Variants in SYCP1 observed in about 807,000 individuals in gnomAD.
SYCP1 encodes synaptonemal complex protein 1.
SYCP1 carries 64 observed loss-of-function variants against 153.1 expected under a neutral mutation model. The observed-to-expected ratio is 0.42, with a 90% CI of 0.34 to 0.51. The LOEUF is 0.51. Ranked by LOEUF, SYCP1 falls within the 20% of genes least tolerant of loss-of-function variation. The probability of loss-of-function intolerance (pLI) is 0.06; values close to 1 mark genes in which losing one functional copy is unlikely to be tolerated. For missense variants in SYCP1, 997 were observed against 1,049.0 expected (o/e 0.95, Z 0.68); for synonymous variants, 384 against 341.8 (o/e 1.12, Z -1.36).
At chr1:114,954,933 G>A (rs182817212) in intron 27 of SYCP1, among the ~76,000 whole-genome samples, 2 of 152,280 alleles carry the variant, frequency 1.3e-5, no homozygotes, top group East Asian at 3.9e-4. Context: ...CCAGTACCAT[G>A]TGGTAGACTG....
intron 15 of SYCP1, among the ~76,000 whole-genome samples, chr1:114,889,568 A>G (rs543971636): frequency 6.6e-6 from 1 of 152,078 alleles, no homozygotes; most frequent in African/African-American, 2.4e-5. Flanking sequence ...TTTCTTGTAA[A>G]CTTGTTTAAG....
intron 27 of SYCP1, among the ~76,000 whole-genome samples, chr1:114,974,152 G>A (rs1258694066): frequency 6.6e-6 from 1 of 151,478 alleles, no homozygotes; most frequent in Non-Finnish European, 1.5e-5. Context: ...TTGACTAATA[G>A]GCTAGTTTTC....
intron 6 of SYCP1, among the ~76,000 whole-genome samples, chr1:114,859,449 A>G (rs1213536678): frequency 1.3e-5 from 2 of 152,248 alleles, no homozygotes; most frequent in Admixed American, 6.5e-5. Context: ...GTGACATTGT[A>G]TTAGGACAAA....
chr1:114,946,406 A>G, intron 26 of SYCP1, 25 bp downstream of exon 26: 2 of 1,455,378 alleles, frequency 1.4e-6, no homozygotes, highest in South Asian at 2.5e-5. Flanking sequence ...AAATTGCAGT[A>G]ACGGCCAGTT....
chr1:114,952,897 T>G (rs552556597), intron 27 of SYCP1, among the ~76,000 whole-genome samples: 1 of 152,316 alleles, frequency 6.6e-6, no homozygotes, highest in Non-Finnish European at 1.5e-5. Flanking sequence ...ACAGAATACT[T>G]GAGACTGGGT....
At chr1:114,858,753 T>A in intron 6 of SYCP1, 42 bp downstream of exon 6, 1 of 1,492,498 alleles carries the variant, frequency 6.7e-7, no homozygotes, top group South Asian at 1.2e-5. Context: ...ATAGTAAATC[T>A]AATCATAATA....
At chr1:114,903,433 G>T (rs1198535427) in intron 16 of SYCP1, among the ~76,000 whole-genome samples, 1 of 152,122 alleles carries the variant, frequency 6.6e-6, no homozygotes, top group African/African-American at 2.4e-5. Context: ...AAGAAGTAAG[G>T]ATTGAACTGA....
intron 23 of SYCP1, among the ~76,000 whole-genome samples, chr1:114,929,596 A>G (rs1038781380): frequency 6.6e-6 from 1 of 152,086 alleles, no homozygotes; most frequent in Non-Finnish European, 1.5e-5. Flanking sequence ...CAAATATAAG[A>G]CAAGTAGTAT....
At chr1:114,882,967 T>G (rs962184103) in intron 12 of SYCP1, among the ~76,000 whole-genome samples, 3 of 152,216 alleles carry the variant, frequency 2.0e-5, no homozygotes, top group Non-Finnish European at 4.4e-5. Context: ...ATCTTTGGGT[T>G]TTCATATATC....
chr1:114,894,624 G>C (rs1666935605), intron 15 of SYCP1, among the ~76,000 whole-genome samples: 1 of 152,060 alleles, frequency 6.6e-6, no homozygotes, highest in Non-Finnish European at 1.5e-5. Flanking sequence ...TGTCAGCAAA[G>C]AAAACAAGAA....
chr1:114,873,535 C>T (rs572244885), intron 8 of SYCP1, among the ~76,000 whole-genome samples: 4 of 152,130 alleles, frequency 2.6e-5, no homozygotes, highest in African/African-American at 9.7e-5. Context: ...ATTTCCCTTC[C>T]CCCAGGTTAG....
intron 27 of SYCP1, among the ~76,000 whole-genome samples, chr1:114,955,136 G>A (rs1671355402): frequency 6.6e-6 from 1 of 152,116 alleles, no homozygotes; most frequent in African/African-American, 2.4e-5. Flanking sequence ...TTTATCAGAT[G>A]CTTTTTCTGC....
chr1:114,913,552 G>A (rs1668321472), intron 19 of SYCP1, among the ~76,000 whole-genome samples: 1 of 152,024 alleles, frequency 6.6e-6, no homozygotes, highest in Non-Finnish European at 1.5e-5. Context: ...TGTCATATAT[G>A]TTGTTAGTGG....
In SYCP1 at chr1:114,883,310, T is replaced by C. The variant is rs532223145; in HGVS notation, c.911-2225T>C. On this transcript the variant is annotated intron_variant, in intron 12 of 31. Transcript: ENST00000369522. Reference sequence around the variant, plus strand: ...ATCTTCCTTTAGTTTACAAAGTATGTGATAATACTTATTTTTAAATTTCAT... The same window carrying C: ...ATCTTCCTTTAGTTTACAAAGTATGCGATAATACTTATTTTTAAATTTCAT... Among the ~76,000 whole-genome samples, 8 of 152,338 alleles carry C rather than the reference T, an allele frequency of 5.3e-5. 1 individual carries two copies. In the East Asian group the frequency reaches 1.5e-3, roughly 29 times the overall value.
intron 27 of SYCP1, among the ~76,000 whole-genome samples, chr1:114,958,929 C>G (rs74326239): frequency 1.9e-5 from 2 of 107,418 alleles, no homozygotes; most frequent in African/African-American, 8.0e-5. Flanking sequence ...GACTCCGTCT[C>G]AAAAAAAAAA....
Position 114,876,743 on chromosome 1 carries a change from A to G in SYCP1, c.734A>G (p.Glu245Gly), listed in dbSNP as rs1486039046. 37 of 1,361,064 alleles carry G rather than the reference A, an allele frequency of 2.7e-5. No homozygotes were observed. The highest frequency in any genetic ancestry group is 3.6e-5 in the Non-Finnish European group (37 of 1,039,080). 84.3% of individuals were successfully genotyped at this position (1,361,064 alleles called of 1,614,324 possible). A position where few individuals can be genotyped will look rare whatever the true frequency, so the allele number is the denominator to read the frequency against. ...SRLEMHFKLK[E>G]DYEKIQHLEQ... ...ATTTGTTTTATTTTTAAAGTAAAGG[A>G]AGATTATGAAAAAATCCAACACCTT... is the stretch of plus-strand genomic sequence containing the variant. Residue 245 changes from glutamate to glycine, a missense_variant, in exon 11 of 32, where the codon GAA becomes GGA. By Grantham distance (98) the Glu-to-Gly change is moderately conservative. Coordinates refer to ENST00000369522, the MANE Select transcript of SYCP1 (RefSeq NM_003176.4).
chr1:114,968,221 G>T (rs1672262133), intron 27 of SYCP1, among the ~76,000 whole-genome samples: 1 of 152,136 alleles, frequency 6.6e-6, no homozygotes. Flanking sequence ...TTGAATGTTG[G>T]CCTGTCTTGC....
intron 27 of SYCP1, among the ~76,000 whole-genome samples, chr1:114,973,425 G>C (rs1672615339): frequency 6.6e-6 from 1 of 151,826 alleles, no homozygotes; most frequent in Admixed American, 6.6e-5. Flanking sequence ...CTTTTTCCTG[G>C]ATTGCCTATT....
intron 30 of SYCP1, among the ~76,000 whole-genome samples, chr1:114,986,177 A>C (rs1429556524): frequency 6.6e-6 from 1 of 151,972 alleles, no homozygotes; most frequent in Non-Finnish European, 1.5e-5. Flanking sequence ...TGTTCTTTCC[A>C]GTTTACAGAT....
Sources: gnomAD v4.1 joint callset for allele counts (sites outside exome capture counted in the v4.1 genomes callset) on GRCh38, gnomAD v4.1.1 for gene constraint, MANE v1.5 for transcripts, NCBI Gene and HGNC (gene_info 2026-07-23, HGNC 2026-07-21) for gene names.